BSG: variants seen among roughly 807,000 people sequenced by gnomAD.
The protein encoded by BSG is basigin (Ok blood group).
Under a neutral mutation model 43.1 loss-of-function variants are expected in BSG, and 37 were observed. That is an observed-to-expected ratio of 0.86 (90% confidence interval 0.66 to 1.13). The LOEUF is 1.13. Among genes scored for constraint, BSG ranks in the 50% most tolerant of loss-of-function variants. The pLI is 0.00. For missense variants in BSG, 599 were observed against 554.2 expected (o/e 1.08, Z -0.81); for synonymous variants, 309 against 238.7 (o/e 1.29, Z -2.72).
intron 1 of BSG, among the ~76,000 whole-genome samples, chr19:574,848 GAC>G (rs1295436233): frequency 6.6e-6 from 1 of 152,138 alleles, no homozygotes; most frequent in Non-Finnish European, 1.5e-5. Flanking sequence ...TCTCTGGGGA[GAC>G]ACAGATAGGA....
intron 7 of BSG, 35 bp from the exon 8 acceptor site, chr19:582,479 G>C: frequency 6.2e-7 from 1 of 1,604,784 alleles, no homozygotes; most frequent in Non-Finnish European, 8.5e-7. Context: ...GTGACTTGCG[G>C]GGGACACCCT....
At chr19:574,959 C>T (rs1473686688) in intron 1 of BSG, 1 of 152,278 alleles carries the variant, frequency 6.6e-6, no homozygotes, top group Non-Finnish European at 1.5e-5. Flanking sequence ...ACGAGGTTCC[C>T]ACATTGAGCT....
At chr19:578,257 G>A in intron 2 of BSG, 136 bp downstream of exon 2, 1 of 960,334 alleles carries the variant, frequency 1.0e-6, no homozygotes, top group Non-Finnish European at 1.5e-6. Context: ...CCACCGCCTG[G>A]ACGGAGGGGC....
chr19:579,245 C>T, intron 2 of BSG: 2 of 594,940 alleles, frequency 3.4e-6, no homozygotes, highest in South Asian at 1.5e-5. Flanking sequence ...CCGCCAGCTG[C>T]CAGCGAAGGG....
chr19:579,593 G>T lies in BSG; in HGVS notation c.509G>T (p.Arg170Leu). Residue 170 changes from arginine (R) to leucine (L), a missense_variant, in exon 3 of 9, where the codon CGC (arginine) becomes CTC (leucine). Transcript: ENST00000333511. Reference protein sequence around the residue: ...NDSATEVTGHRWLKGGVVLKE... With the variant: ...NDSATEVTGHLWLKGGVVLKE... ...AGCGCCACAGAGGTCACAGGGCACC[G>T]CTGGCTGAAGGGGGGCGTGGTGCTG... 1 of 1,612,620 alleles carries T rather than the reference G, an allele frequency of 6.2e-7. No individual in the cohort carries two copies.
At position 580,612 on chromosome 19, in the gene BSG, G is replaced by T. The variant is rs200189683; in HGVS notation, c.656-34G>T. 4.3e-6 allele frequency: 7 copies of T among 1,611,766 alleles called. No homozygotes were observed. The South Asian group carries it at 5.5e-5, about 13-fold the overall frequency. On this transcript the variant is annotated intron_variant, in intron 4 of 8. Coordinates refer to ENST00000333511, the MANE Select transcript of BSG (RefSeq NM_001728.4). ...AGGCCGGGGATGGGGGCGGGCCTGCGGTTCCAGGCTCCTCTCTCTCACCCT... is the reference window on the plus strand; with the variant it reads ...AGGCCGGGGATGGGGGCGGGCCTGCTGTTCCAGGCTCCTCTCTCTCACCCT...
In BSG at chr19:581,390, C is replaced by T. The variant is rs773129410; in HGVS notation, c.868C>T (p.Leu290=). Residue 290 remains leucine (L), a synonymous_variant, in exon 6 of 9, where the codon CTG becomes TTG. Transcript: ENST00000333511. ...CCGGTCAGAGCTACACATTGAGAAC[C>T]TGAACATGGAGGCCGACCCCGGCCA... ...QGRSELHIEN[L]NMEADPGQYR... 6 of 1,612,844 alleles carry T rather than the reference C, an allele frequency of 3.7e-6. No homozygotes were observed. Among genetic ancestry groups the T allele is most frequent in the Admixed American group, 3.3e-5 (2 of 60,024 alleles).
chr19:579,689 C>G lies in BSG; in HGVS notation c.572+33C>G, dbSNP rs1470888350. The G allele has an allele frequency of 1.9e-6, 3 of 1,576,854 alleles. No individual in the cohort carries two copies. In the African/African-American group the frequency reaches 4.0e-5, roughly 21 times the overall value. ...CCTGACCACGCCATGCCGCCACCTG[C>G]CCCTTCTCACGGCTCTCTTGCCGCC... On this transcript the variant is annotated intron_variant, in intron 3 of 8. Transcript: ENST00000333511.
upstream of BSG, chr19:572,580 C>A: frequency 1.4e-6 from 2 of 1,435,938 alleles, no homozygotes; most frequent in East Asian, 3.1e-5. Context: ...TTATAGCGGC[C>A]GCGGGCGGCG....
intron 2 of BSG, 83 bp downstream of exon 2, chr19:578,204 C>G: frequency 7.6e-7 from 1 of 1,311,180 alleles, no homozygotes. Context: ...CAGTAGAACC[C>G]AGACGCCTCC....
intron 1 of BSG, among the ~76,000 whole-genome samples, chr19:573,513 G>A (rs978361065): frequency 6.6e-6 from 1 of 152,216 alleles, no homozygotes; most frequent in African/African-American, 2.4e-5. Context: ...CCTAGGGCGT[G>A]CACCTGCCCC....
At chr19:580,170 G>T (rs550014149) in intron 3 of BSG, among the ~76,000 whole-genome samples, 101 of 152,038 alleles carry the variant, frequency 6.6e-4, no homozygotes, top group Middle Eastern at 3.2e-3. Flanking sequence ...GGAGAAGGGG[G>T]TCTGTTGGTT....
chr19:574,507 C>T (rs1187063915), intron 1 of BSG, among the ~76,000 whole-genome samples: 3 of 151,820 alleles, frequency 2.0e-5, no homozygotes, highest in Non-Finnish European at 4.4e-5. Context: ...GAGCCGAGAT[C>T]GCGCCATTGC....
intron 6 of BSG, 75 bp downstream of exon 6, chr19:581,666 A>G (rs1982337679): frequency 6.8e-7 from 1 of 1,469,466 alleles, no homozygotes; most frequent in Non-Finnish European, 9.0e-7. Flanking sequence ...CGTCCCTGCC[A>G]GCCCCACCGC....
intron 2 of BSG, chr19:578,934 G>A (rs969612978): frequency 4.5e-6 from 2 of 444,394 alleles, no homozygotes; most frequent in Non-Finnish European, 4.5e-6. Context: ...GTTTCACCGT[G>A]TTAGCCAGGA....
chr19:582,785 C>T lies in BSG; in HGVS notation c.*41C>T, dbSNP rs1011509502. The T allele has an allele frequency of 1.3e-4, 81 of 602,486 alleles. 2 individuals are homozygous for T. Among genetic ancestry groups the T allele is most frequent in the Admixed American group, 6.9e-4 (22 of 31,944 alleles). 37.3% of individuals were successfully genotyped at this position (602,486 alleles called of 1,614,324 possible). On this transcript the variant is annotated 3_prime_UTR_variant, in exon 9 of 9. Transcript: ENST00000333511. ...GACGCTCCCTGCTCCACGTCTGCGC[C>T]GCCGCCGGAGTCCACTCCCAGTGCT...
At position 575,909 on chromosome 19, in the gene BSG, C is replaced by T. The variant is rs193268910; in HGVS notation, c.68-1865C>T. Among the ~76,000 whole-genome samples the T allele has an allele frequency of 2.4e-3, 364 of 152,244 alleles. 1 individual carries two copies. Among genetic ancestry groups the T allele is most frequent in the African/African-American group, 8.3e-3 (345 of 41,550 alleles). ...GGGTGGGGGCGCTCTGCATTGTCCC[C>T]GAGGAGCCTCTATGGAGGCTTTCTC... On this transcript the variant is annotated intron_variant, in intron 1 of 8. Transcript: ENST00000333511.
chr19:571,630 G>T (rs1981247410), upstream of BSG: 1 of 778,876 alleles, frequency 1.3e-6, no homozygotes, highest in Non-Finnish European at 2.4e-6. Flanking sequence ...GGGATATTTG[G>T]GGGCGGCGAG....
chr19:578,814 TC>T (rs1219190427), intron 2 of BSG: 1 of 350,364 alleles, frequency 2.9e-6, no homozygotes, highest in African/African-American at 2.2e-5. Context: ...CACTGCAACT[TC>T]CGCCTCCCGG....
Sources: gnomAD v4.1 joint callset for allele counts (sites outside exome capture counted in the v4.1 genomes callset) on GRCh38, gnomAD v4.1.1 for gene constraint, MANE v1.5 for transcripts, NCBI Gene and HGNC (gene_info 2026-07-23, HGNC 2026-07-21) for gene names.